Variants in MYCBP2 observed in about 807,000 individuals in gnomAD.
The protein encoded by MYCBP2 is MYC binding protein 2.
A neutral mutation model predicts 525.3 loss-of-function variants in MYCBP2; 120 were observed. That is an observed-to-expected ratio of 0.23 (90% CI 0.20 to 0.27). The LOEUF (loss-of-function observed/expected upper bound fraction) is 0.27, where lower values mean the gene tolerates loss of function less well. Ranked by LOEUF, MYCBP2 falls within the 10% of genes least tolerant of loss-of-function variation. The pLI, the probability that MYCBP2 is intolerant of heterozygous loss-of-function variation, is 1.00. For missense variants in MYCBP2, 4,149 were observed against 5,657.1 expected (o/e 0.73, Z 8.55); for synonymous variants, 1,894 against 1,955.8 (o/e 0.97, Z 0.83).
chr13:77,134,171 A>C (rs2053364915), intron 52 of MYCBP2, among the ~76,000 whole-genome samples: 1 of 152,182 alleles, frequency 6.6e-6, no homozygotes, highest in Non-Finnish European at 1.5e-5. Flanking sequence ...AAGTGAAACC[A>C]TTCTAGATAA....
At chr13:77,186,802 A>T (rs1595239592) in intron 30 of MYCBP2, among the ~76,000 whole-genome samples, 2 of 120,466 alleles carry the variant, frequency 1.7e-5, no homozygotes. Flanking sequence ...TATAGATTCA[A>T]TTTTTTTTTT....
At chr13:77,289,460 T>C (rs2077239923) in intron 2 of MYCBP2, among the ~76,000 whole-genome samples, 1 of 151,600 alleles carries the variant, frequency 6.6e-6, no homozygotes, top group African/African-American at 2.4e-5. Context: ...ATATTATACT[T>C]CAAATAAACA....
Position 77,326,777 on chromosome 13 carries a change from C to T in MYCBP2, c.-2G>A. 1 of 1,406,534 alleles carries T rather than the reference C, an allele frequency of 7.1e-7. No individual in the cohort carries two copies. Among genetic ancestry groups the T allele is most frequent in the Non-Finnish European group, 9.1e-7 (1 of 1,093,616 alleles). 87.1% of individuals were successfully genotyped at this position (1,406,534 alleles called of 1,614,324 possible). The stretch of plus-strand genomic sequence containing the variant: ...GGCAGTCGCTGCGCACATCATCATC[C>T]TCGCCGCCGCCGCCGCCGCCGCCGC... On this transcript the variant is annotated 5_prime_UTR_variant, in exon 1 of 83. Transcript: ENST00000544440. The surrounding 1 kb of genome is among the most constrained non-coding windows in gnomAD (Gnocchi z 4.2).
intron 26 of MYCBP2, among the ~76,000 whole-genome samples, chr13:77,198,543 T>C (rs1279882973): frequency 6.6e-6 from 1 of 152,228 alleles, no homozygotes; most frequent in Non-Finnish European, 1.5e-5. Flanking sequence ...GCAGAAACTA[T>C]AGTTTTCTCT....
At chr13:77,099,286 C>T (rs1363067892) in intron 55 of MYCBP2, 1 of 412,982 alleles carries the variant, frequency 2.4e-6, no homozygotes, top group African/African-American at 2.0e-5. Context: ...ATATCTCAAC[C>T]TCTGCCCTAG....
In MYCBP2 at chr13:77,188,998, C is replaced by T. The variant is rs532240552; in HGVS notation, c.4204G>A (p.Glu1402Lys). The T allele has an allele frequency of 6.8e-6, 11 of 1,611,270 alleles. No individual in the cohort carries two copies. Among genetic ancestry groups the T allele is most frequent in the Middle Eastern group, 3.3e-4 (2 of 6,056 alleles). ...GACCTCTTTAAAATGTGTACAGGTTCACTGGTTTGCTGTTTGCCTTTTGAA... is the reference window on the plus strand; with the variant it reads ...GACCTCTTTAAAATGTGTACAGGTTTACTGGTTTGCTGTTTGCCTTTTGAA... ...SASKGKQQTS[E>K]PVHILKRSFA... The change falls in exon 30 of 83, where the codon GAA becomes AAA. Residue 1402 changes from glutamate to lysine, a missense_variant. Transcript: ENST00000544440.
At position 77,125,431 on chromosome 13, in the gene MYCBP2, T is replaced by C. The variant is rs931656309; in HGVS notation, c.7922A>G (p.Gln2641Arg). 1.6e-5 allele frequency: 26 copies of C among 1,613,886 alleles called. No homozygotes were observed. The African/African-American group carries it at 3.2e-4, about 20-fold the overall frequency. ...CTCACAGAACTCTACCATGCTGTTCTGATCCAGTTGCACCCATGTCCCTTC... is the reference window on the plus strand; with the variant it reads ...CTCACAGAACTCTACCATGCTGTTCCGATCCAGTTGCACCCATGTCCCTTC... Reference protein sequence around the residue: ...NSEGTWVQLDQNSMVEFCESD... With the variant: ...NSEGTWVQLDRNSMVEFCESD... The change falls in exon 54 of 83, where the codon CAG (glutamine) becomes CGG (arginine). Residue 2641 changes from glutamine (Q) to arginine (R), a missense_variant. By Grantham distance (43) the Gln-to-Arg change is conservative. This residue lies in a region of MYCBP2 where 653 missense variants were observed against 744.7 expected (regional missense o/e 0.88). Coordinates refer to ENST00000544440, the MANE Select transcript of MYCBP2 (RefSeq NM_015057.5).
intron 50 of MYCBP2, among the ~76,000 whole-genome samples, 196 bp from the exon 51 acceptor site, chr13:77,140,359 T>G (rs1323249827): frequency 6.6e-6 from 1 of 152,224 alleles, no homozygotes; most frequent in African/African-American, 2.4e-5. Flanking sequence ...CTGAAATGTG[T>G]ATTACTGAAA....
intron 36 of MYCBP2, among the ~76,000 whole-genome samples, chr13:77,175,666 T>C (rs2059620997): frequency 1.3e-5 from 2 of 152,168 alleles, no homozygotes; most frequent in Admixed American, 1.3e-4. Flanking sequence ...TTGCCAAATA[T>C]TGTTAGGAAA....
chr13:77,169,492 G>C, intron 39 of MYCBP2, 122 bp downstream of exon 39: 1 of 718,876 alleles, frequency 1.4e-6, no homozygotes, highest in South Asian at 1.7e-5. Flanking sequence ...ATCTATCTCT[G>C]CTTGTTACCT....
rs150395648 is a variant in MYCBP2 at position 77,097,440 on chromosome 13, A to G, written c.9714T>C (p.Asp3238=). ...ACTCCCCACACAGTTCACAGATGGT[A>G]TCTTTCTCTGGTCCTCCTACTGCCA... ...AQLAVGGPEK[D]TICELCGESH... The change falls in exon 56 of 83, where the codon GAT becomes GAC. Residue 3238 remains aspartate (D), a synonymous_variant. Transcript: ENST00000544440. The G allele has an allele frequency of 4.5e-5, 72 of 1,613,574 alleles. No individual in the cohort carries two copies. The African/African-American group carries it at 7.7e-4, about 17-fold the overall frequency.
At chr13:77,268,973 C>A (rs576864092) in intron 7 of MYCBP2, among the ~76,000 whole-genome samples, 34 of 152,250 alleles carry the variant, frequency 2.2e-4, no homozygotes, top group African/African-American at 8.2e-4. Flanking sequence ...TATCCTTATA[C>A]AAAGGAACTT....
At chr13:77,173,163 C>G (rs2059305627) in intron 37 of MYCBP2, among the ~76,000 whole-genome samples, 1 of 152,112 alleles carries the variant, frequency 6.6e-6, no homozygotes, top group African/African-American at 2.4e-5. Flanking sequence ...GTATTTAAAA[C>G]TAAAGGACTT....
At chr13:77,302,612 C>T (rs1212005430) in intron 1 of MYCBP2, among the ~76,000 whole-genome samples, 1 of 151,964 alleles carries the variant, frequency 6.6e-6, no homozygotes, top group Non-Finnish European at 1.5e-5. Flanking sequence ...AATTCACTGT[C>T]AAGAGACCAA....
At chr13:77,086,516 T>C (rs1400716104) in intron 62 of MYCBP2, among the ~76,000 whole-genome samples, 2 of 152,130 alleles carry the variant, frequency 1.3e-5, no homozygotes, top group Non-Finnish European at 2.9e-5. Context: ...TCTCAAGTAT[T>C]AACTCTTAAA....
Position 77,081,480 on chromosome 13 carries a change from C to A in MYCBP2, c.11365G>T (p.Gly3789Ter). 6.2e-7 allele frequency: 1 copy of A among 1,612,940 alleles called. No homozygotes were observed. The highest frequency in any genetic ancestry group is 8.5e-7 in the Non-Finnish European group (1 of 1,179,844). The change falls in exon 65 of 83, where the codon GGA becomes TGA. Residue 3789 changes from glycine (G) to a stop codon, truncating the protein, a stop_gained. Coordinates refer to ENST00000544440, the MANE Select transcript of MYCBP2 (RefSeq NM_015057.5). LOFTEE classifies it high-confidence loss of function. This position sits in a 1 kb window ranked among gnomAD's most constrained non-coding sequence, Gnocchi z 4.6. ...ACAGACACATAGCGGGCATTGATTC[C>A]TTTTACACAGTTGATGGTGATGTTC... ...TKNITINCVK[G>*]INARYVSVHV... is the part of the protein sequence containing the mutation.
intron 8 of MYCBP2, among the ~76,000 whole-genome samples, chr13:77,266,087 G>A (rs1186245588): frequency 6.6e-6 from 1 of 152,094 alleles, no homozygotes. Context: ...TATCAAGGCA[G>A]AATAAATAAA....
At position 77,067,599 on chromosome 13, in the gene MYCBP2, G is replaced by A. The variant is rs35730660; in HGVS notation, c.12437C>T (p.Pro4146Leu). The change falls in exon 71 of 83, where the codon CCG becomes CTG. Residue 4146 changes from proline (P) to leucine (L), a missense_variant. By Grantham distance (98) the Pro-to-Leu change is moderately conservative. This residue lies in a region of MYCBP2 where 148 missense variants were observed against 179.4 expected (regional missense o/e 0.82). Coordinates refer to ENST00000544440, the MANE Select transcript of MYCBP2 (RefSeq NM_015057.5). ...AACTAACCTGGAATTGAAAATCATC[G>A]GAAGAGTAACTGTTGTAACTCCTTT... ...VGKGVTTVTL[P>L]MIFNSSYLRR... The A allele has an allele frequency of 9.9e-6, 16 of 1,613,732 alleles. No homozygotes were observed. The highest frequency in any genetic ancestry group is 2.7e-5 in the African/African-American group (2 of 74,874).
intron 14 of MYCBP2, among the ~76,000 whole-genome samples, chr13:77,256,836 A>G (rs998162612): frequency 1.2e-4 from 18 of 152,270 alleles, no homozygotes; most frequent in African/African-American, 4.1e-4. Flanking sequence ...CTTCCCCAAA[A>G]AACTGAAACT....
Sources: gnomAD v4.1 joint callset for allele counts (sites outside exome capture counted in the v4.1 genomes callset) on GRCh38, gnomAD v4.1.1 for gene constraint, gnomAD v4.1.1 regional missense constraint, Gnocchi (gnomAD v3.1) non-coding constraint, MANE v1.5 for transcripts, NCBI Gene and HGNC (gene_info 2026-07-23, HGNC 2026-07-21) for gene names.